WDFY4: variants seen among roughly 807,000 people sequenced by gnomAD.
WDFY4 encodes the protein WDFY family member 4, also known as WD repeat- and FYVE domain-containing protein 4.
A neutral mutation model predicts 351.9 loss-of-function variants in WDFY4; 169 were observed. The ratio of observed to expected loss-of-function variants is 0.48; its 90% CI spans 0.42 to 0.55. The LOEUF (loss-of-function observed/expected upper bound fraction) is 0.55, where lower values mean the gene tolerates loss of function less well. Ranked by LOEUF, WDFY4 falls within the 20% of genes least tolerant of loss-of-function variation. WDFY4 has a pLI of 0.00. For synonymous variants in WDFY4, 1,622 were observed against 1,574.6 expected, an observed-to-expected ratio of 1.03 and a Z score of -0.71; for missense variants, 3,803 against 3,935.6, an observed-to-expected ratio of 0.97 and a Z score of 0.90.
intron 35 of WDFY4, chr10:48,823,730 G>A (rs12765593): frequency 0.12 from 120,243 of 992,234 alleles, 7,801 homozygotes; most frequent in Middle Eastern, 0.21. Flanking sequence ...CCAAACATAG[G>A]TGCCAGTGGG....
At position 48,731,190 on chromosome 10, in the gene WDFY4, C is replaced by G. The variant is rs2064447316; in HGVS notation, c.1210C>G (p.Gln404Glu). ...AGCCAGTGACTCTGTCCTCTGCATACAAGTCTTGTCAGTCATCAGGACCAT... is the reference window on the plus strand; with the variant it reads ...AGCCAGTGACTCTGTCCTCTGCATAGAAGTCTTGTCAGTCATCAGGACCAT... ...HKASDSVLCIQVLSVIRTMWA... is the reference protein window; with the variant it reads ...HKASDSVLCIEVLSVIRTMWA... Residue 404 changes from glutamine to glutamate, a missense_variant, in exon 9 of 62, where the codon CAA becomes GAA. This residue lies in a region of WDFY4 where 261 missense variants were observed against 330.2 expected (regional missense o/e 0.79). Coordinates refer to ENST00000325239, the MANE Select transcript of WDFY4 (RefSeq NM_001394531.1). The G allele has an allele frequency of 1.3e-6, 2 of 1,551,682 alleles. No homozygotes were observed. Among genetic ancestry groups the G allele is most frequent in the African/African-American group, 1.4e-5 (1 of 73,064 alleles).
At chr10:48,766,712 G>A (rs1349620150) in intron 13 of WDFY4, among the ~76,000 whole-genome samples, 1 of 152,232 alleles carries the variant, frequency 6.6e-6, no homozygotes, top group African/African-American at 2.4e-5. Flanking sequence ...AAAGTCAGAT[G>A]GATTCAGCCC....
At chr10:48,830,667 C>T (rs746084534) in intron 37 of WDFY4, 33 bp from the exon 38 acceptor site, 55 of 1,541,208 alleles carry the variant, frequency 3.6e-5, no homozygotes, top group East Asian at 2.0e-4. Context: ...TCACTGAGGC[C>T]ATCCTGAGTG....
intron 39 of WDFY4, among the ~76,000 whole-genome samples, chr10:48,862,937 T>A (rs2069396129): frequency 1.3e-5 from 2 of 152,258 alleles, no homozygotes; most frequent in African/African-American, 4.8e-5. Context: ...TTCATATAAA[T>A]GGAATCATAT....
chr10:48,830,768 C>G lies in WDFY4; in HGVS notation c.6409C>G (p.Leu2137Val). 1.3e-6 allele frequency: 2 copies of G among 1,551,704 alleles called. No individual in the cohort carries two copies. Among genetic ancestry groups the G allele is most frequent in the Non-Finnish European group, 1.7e-6 (2 of 1,146,962 alleles). ...QQLVAQRQQT[L>V]EDAFKIDLSV... ...GCTGGTGGCACAAAGGCAGCAGACC[C>G]TGGAGGATGCCTTCAAGATCGATCT... Residue 2137 changes from leucine (L) to valine (V), a missense_variant, in exon 38 of 62, where the codon CTG becomes GTG. Coordinates refer to ENST00000325239, the MANE Select transcript of WDFY4 (RefSeq NM_001394531.1).
intron 44 of WDFY4, among the ~76,000 whole-genome samples, chr10:48,891,276 T>A (rs1391211820): frequency 6.6e-6 from 1 of 152,152 alleles, no homozygotes; most frequent in Non-Finnish European, 1.5e-5. Flanking sequence ...TGGGTGAGAC[T>A]TGGGAAGAAA....
At chr10:48,943,974 A>T (rs909689911) in intron 49 of WDFY4, among the ~76,000 whole-genome samples, 3 of 152,210 alleles carry the variant, frequency 2.0e-5, no homozygotes, top group African/African-American at 7.2e-5. Flanking sequence ...GGAATGATCA[A>T]CACAACTAAC....
At chr10:48,862,163 G>A (rs1335457041) in intron 39 of WDFY4, among the ~76,000 whole-genome samples, 2 of 152,128 alleles carry the variant, frequency 1.3e-5, no homozygotes, top group Admixed American at 1.3e-4. Flanking sequence ...TTATCTCACT[G>A]TATGCATCTG....
Position 48,712,051 on chromosome 10 carries a change from G to A in WDFY4, c.234+2085G>A, listed in dbSNP as rs375767008. On this transcript the variant is annotated intron_variant, in intron 2 of 61. Coordinates refer to ENST00000325239, the MANE Select transcript of WDFY4 (RefSeq NM_001394531.1). ...AGTGTTACTATTATAAGTGAACCTT[G>A]ATACTGGTCTTTGTTTTCCACACCC... is the stretch of plus-strand genomic sequence containing the variant. Among the ~76,000 whole-genome samples the A allele has an allele frequency of 5.9e-5, 9 of 152,260 alleles. No homozygotes were observed. The East Asian group carries it at 1.3e-3, about 23-fold the overall frequency.
chr10:48,951,991 G>A (rs1219380506), intron 51 of WDFY4, among the ~76,000 whole-genome samples: 3 of 152,250 alleles, frequency 2.0e-5, no homozygotes, highest in Non-Finnish European at 4.4e-5. Flanking sequence ...CAGCAGTGGG[G>A]AAGGGTTTTC....
chr10:48,787,725 T>A (rs947621400), intron 20 of WDFY4, among the ~76,000 whole-genome samples: 1 of 152,156 alleles, frequency 6.6e-6, no homozygotes, highest in Non-Finnish European at 1.5e-5. Flanking sequence ...CTGGAGTGCA[T>A]CTATTTCATG....
At chr10:48,912,354 T>A (rs1045470790) in intron 47 of WDFY4, among the ~76,000 whole-genome samples, 1 of 152,198 alleles carries the variant, frequency 6.6e-6, no homozygotes, top group African/African-American at 2.4e-5. Flanking sequence ...GTGGCATTAT[T>A]CCCACTTCAC....
chr10:48,824,389 T>A, intron 35 of WDFY4, among the ~76,000 whole-genome samples: 1 of 152,254 alleles, frequency 6.6e-6, no homozygotes. Context: ...CCATTAATAA[T>A]GACACATAGC....
chr10:48,694,853 C>T (rs2063290740), intron 1 of WDFY4, among the ~76,000 whole-genome samples: 1 of 152,132 alleles, frequency 6.6e-6, no homozygotes, highest in South Asian at 2.1e-4. Flanking sequence ...CCTAAGAAGA[C>T]CTCCCAGACT....
At chr10:48,686,315 CAA>C (rs371080036) in intron 1 of WDFY4, among the ~76,000 whole-genome samples, 11 of 99,080 alleles carry the variant, frequency 1.1e-4, no homozygotes, top group African/African-American at 3.7e-4. Context: ...ACTCCATCTC[CAA>C]AAAAAAAAAA....
intron 19 of WDFY4, among the ~76,000 whole-genome samples, chr10:48,782,861 G>A (rs1322547439): frequency 1.3e-5 from 2 of 152,136 alleles, no homozygotes; most frequent in Non-Finnish European, 1.5e-5. Context: ...CATTTATTAG[G>A]CAACCTGAAT....
intron 12 of WDFY4, among the ~76,000 whole-genome samples, chr10:48,750,571 A>G (rs187278644): frequency 1.3e-5 from 2 of 152,314 alleles, no homozygotes; most frequent in African/African-American, 4.8e-5. Flanking sequence ...GCCAAATCAG[A>G]TCCCACTGCC....
intron 61 of WDFY4, 78 bp downstream of exon 61, chr10:48,981,556 G>T: frequency 1.4e-6 from 2 of 1,390,822 alleles, no homozygotes; most frequent in Non-Finnish European, 2.0e-6. Context: ...GTGGCTCTGA[G>T]TCCAGGCCAC....
At chr10:48,809,142 T>TCAC (rs2067354116) in intron 28 of WDFY4, among the ~76,000 whole-genome samples, 5 of 151,636 alleles carry the variant, frequency 3.3e-5, no homozygotes, top group African/African-American at 1.2e-4. Context: ...ATCATCACCA[T>TCAC]CACCACCACC....
Sources: allele counts gnomAD v4.1 joint callset (sites outside exome capture counted in the v4.1 genomes callset), GRCh38; gene constraint gnomAD v4.1.1; regional missense constraint gnomAD v4.1.1; transcripts MANE v1.5; gene names NCBI Gene and HGNC (gene_info 2026-07-23, HGNC 2026-07-21).